The following ACOX3 variants were observed in gnomAD, a reference collection of about 807,000 sequenced individuals.
ACOX3 encodes the protein peroxisomal acyl-coenzyme A oxidase 3.
Under a neutral mutation model 81.5 loss-of-function variants are expected in ACOX3, and 73 were observed. The observed-to-expected ratio is 0.90, with a 90% CI of 0.74 to 1.09. The LOEUF is 1.09. Among genes scored for constraint, ACOX3 ranks in the 50% least tolerant of loss-of-function variants. The pLI is 0.00. For missense variants in ACOX3, 947 were observed against 928.0 expected (o/e 1.02, Z -0.27); for synonymous variants, 387 against 375.1 (o/e 1.03, Z -0.37).
intron 6 of ACOX3, among the ~76,000 whole-genome samples, chr4:8,408,899 G>A (rs1721352540): frequency 9.0e-5 from 5 of 55,548 alleles, no homozygotes; most frequent in Non-Finnish European, 1.6e-4. Context: ...ACTGGGGGGG[G>A]GGGGTGGGGG....
intron 6 of ACOX3, among the ~76,000 whole-genome samples, chr4:8,408,303 C>G (rs1669473045): frequency 1.3e-5 from 2 of 151,770 alleles, no homozygotes; most frequent in Admixed American, 6.6e-5. Context: ...GCAAAAGATG[C>G]CTGCCCCTCC....
At position 8,423,613 on chromosome 4, in the gene ACOX3, C is replaced by A. The variant is rs1273971524; in HGVS notation, c.-14-7078G>T. On this transcript the variant is annotated intron_variant, in intron 1 of 17. Transcript: ENST00000356406. This position sits in a 1 kb window ranked among gnomAD's most constrained non-coding sequence, Gnocchi z 4.2. ...TGGACAGTGGAGGTTAGTGCAAGAT[C>A]TCAGGATTATCAATGAGGCTGTTGT... Among the ~76,000 whole-genome samples, 1 of 152,148 alleles carries A rather than the reference C, an allele frequency of 6.6e-6. No homozygotes were observed. Among genetic ancestry groups the A allele is most frequent in the African/African-American group, 2.4e-5 (1 of 41,432 alleles).
At position 8,381,887 on chromosome 4, in the gene ACOX3, G is replaced by A. The variant is rs17806883; in HGVS notation, c.1538-280C>T. Among the ~76,000 whole-genome samples, 4,616 of 152,350 alleles carry A rather than the reference G, an allele frequency of 0.03. 77 individuals are homozygous for A. Among genetic ancestry groups the A allele is most frequent in the South Asian group, 0.038 (185 of 4,830 alleles). On this transcript the variant is annotated intron_variant, in intron 13 of 17. Coordinates refer to ENST00000356406, the MANE Select transcript of ACOX3 (RefSeq NM_003501.3). The surrounding 1 kb of genome is among the most constrained non-coding windows in gnomAD (Gnocchi z 4.3). ...AGCAGCCTGGAGGCCACAGGAACAC[G>A]GTGCCGCCGCTAGAGTGGGCCCCCG...
Position 8,399,900 on chromosome 4 carries a change from G to C in ACOX3, c.777-248C>G, listed in dbSNP as rs775251549. ...GGATTGCTTGAGCCCAGGAGTTTGA[G>C]ACCAGCCTGGGCAACACAGTGAGAC... On this transcript the variant is annotated intron_variant, in intron 7 of 17. Coordinates refer to ENST00000356406, the MANE Select transcript of ACOX3 (RefSeq NM_003501.3). The surrounding 1 kb of genome is among the most constrained non-coding windows in gnomAD (Gnocchi z 4.9). 6.6e-5 allele frequency among the ~76,000 whole-genome samples: 10 copies of C among 152,168 alleles called. No homozygotes were observed. Among genetic ancestry groups the C allele is most frequent in the Non-Finnish European group, 1.5e-4 (10 of 68,024 alleles).
chr4:8,356,975 G>C, the ACOX3 span: 440 of 446,786 alleles, frequency 9.8e-4, no homozygotes, highest in African/African-American at 8.1e-3. Context: ...TGCATGCTAA[G>C]ATGACCCTGG....
At chr4:8,396,758 T>A (rs915921485) in intron 9 of ACOX3, among the ~76,000 whole-genome samples, 179 bp downstream of exon 9, 17 of 152,132 alleles carry the variant, frequency 1.1e-4, no homozygotes, top group Non-Finnish European at 1.0e-4. Flanking sequence ...CTTTTTAAAT[T>A]AAAAACCATT....
At chr4:8,374,381 C>G (rs1716658289) in intron 15 of ACOX3, 1 of 152,698 alleles carries the variant, frequency 6.5e-6, no homozygotes, top group African/African-American at 2.4e-5. Context: ...GGGGTAAACG[C>G]TGGCTCTTGG....
At chr4:8,420,762 T>A (rs1722850902) in intron 1 of ACOX3, among the ~76,000 whole-genome samples, 1 of 152,206 alleles carries the variant, frequency 6.6e-6, no homozygotes, top group Non-Finnish European at 1.5e-5. Context: ...CTGCTGATCA[T>A]CGCCATCGCA....
At chr4:8,374,758 C>G (rs909596265) in intron 15 of ACOX3, 2 of 470,584 alleles carry the variant, frequency 4.3e-6, no homozygotes, top group Non-Finnish European at 7.2e-6. Context: ...AACCGAACCC[C>G]AAGTGAAAGA....
At position 8,366,907 on chromosome 4, in the gene ACOX3, G is replaced by A. The variant is rs6447866; in HGVS notation, c.*54C>T. 3.3e-4 allele frequency: 536 copies of A among 1,601,872 alleles called. 3 individuals are homozygous for A. The African/African-American group carries it at 6.4e-3, about 19-fold the overall frequency. ...TCTGGAATCAGAAGTTGAGGTCCAC[G>A]TCTGATTAGTTCCCTTCGTTTCATT... On this transcript the variant is annotated 3_prime_UTR_variant, in exon 18 of 18. Coordinates refer to ENST00000356406, the MANE Select transcript of ACOX3 (RefSeq NM_003501.3).
At chr4:8,390,782 C>G (rs1718898777) in intron 11 of ACOX3, among the ~76,000 whole-genome samples, 1 of 152,098 alleles carries the variant, frequency 6.6e-6, no homozygotes. Context: ...TGAAAGGAGT[C>G]CTATTGCAGC....
chr4:8,439,967 C>T (rs577822088), intron 1 of ACOX3, among the ~76,000 whole-genome samples: 17 of 152,266 alleles, frequency 1.1e-4, no homozygotes, highest in Non-Finnish European at 1.5e-5. Context: ...AGCCAGACAA[C>T]CTTGGCACCA....
At position 8,370,754 on chromosome 4, in the gene ACOX3, G is replaced by T. The variant is rs543927988; in HGVS notation, c.1983+154C>A. The stretch of plus-strand genomic sequence containing the variant: ...CATGGGGAAGCACCAGAGTGAGACA[G>T]TCCTGACTTGTCCCGGGCCCTCCCC... On this transcript the variant is annotated intron_variant, in intron 17 of 17. Transcript: ENST00000356406. This position sits in a 1 kb window ranked among gnomAD's most constrained non-coding sequence, Gnocchi z 6.3. Among the ~76,000 whole-genome samples the T allele has an allele frequency of 2.2e-4, 34 of 152,292 alleles. No individual in the cohort carries two copies. Among genetic ancestry groups the T allele is most frequent in the Admixed American group, 1.9e-3 (29 of 15,304 alleles).
In ACOX3 at chr4:8,423,863, G is replaced by T. The variant is rs1009130527; in HGVS notation, c.-14-7328C>A. On this transcript the variant is annotated intron_variant, in intron 1 of 17. Coordinates refer to ENST00000356406, the MANE Select transcript of ACOX3 (RefSeq NM_003501.3). The surrounding 1 kb of genome is among the most constrained non-coding windows in gnomAD (Gnocchi z 4.2). Reference sequence around the variant, plus strand: ...TTCATGGACAGCCCCCATCTATTTGGCCAGGCATTAGCCCGAGACTTGAGC... The same window carrying T: ...TTCATGGACAGCCCCCATCTATTTGTCCAGGCATTAGCCCGAGACTTGAGC... Among the ~76,000 whole-genome samples the T allele has an allele frequency of 6.6e-6, 1 of 152,170 alleles. No individual in the cohort carries two copies. The highest frequency in any genetic ancestry group is 2.4e-5 in the African/African-American group (1 of 41,434).
Position 8,392,398 on chromosome 4 carries a change from G to C in ACOX3, c.1235C>G (p.Ser412Trp), listed in dbSNP as rs759241743. The change falls in exon 11 of 18, where the codon TCG becomes TGG. Residue 412 changes from serine to tryptophan, a missense_variant. Physicochemically the swap from Ser to Trp is radical, Grantham distance 177 (BLOSUM62 -3). Coordinates refer to ENST00000356406, the MANE Select transcript of ACOX3 (RefSeq NM_003501.3). Reference protein sequence around the residue: ...ALASASKPLASWTTQQGIQEC... With the variant: ...ALASASKPLAWWTTQQGIQEC... The stretch of plus-strand genomic sequence containing the variant: ...CTGAATTCCTTGCTGGGTGGTCCAC[G>C]AGGCCAGGGGCTTGCTGGCCGATGC... 4.3e-6 allele frequency: 7 copies of C among 1,609,194 alleles called. No individual in the cohort carries two copies. In the South Asian group the frequency reaches 7.7e-5, roughly 18 times the overall value.
chr4:8,397,011 G>A lies in ACOX3; in HGVS notation c.982C>T (p.Arg328Cys), dbSNP rs756729910. The A allele has an allele frequency of 4.3e-6, 7 of 1,612,060 alleles. No individual in the cohort carries two copies. Among genetic ancestry groups the A allele is most frequent in the African/African-American group, 1.3e-5 (1 of 74,958 alleles). ...NLKLAVAIALRFSATRRQFGP... is the reference protein window; with the variant it reads ...NLKLAVAIALCFSATRRQFGP... The stretch of plus-strand genomic sequence containing the variant: ...AACTGACGCCGAGTGGCTGAGAAGC[G>A]AAGAGCGATGGCCACGGCCAGCTTT... The change falls in exon 9 of 18, where the codon CGC becomes TGC. Residue 328 changes from arginine (R) to cysteine (C), a missense_variant. By Grantham distance (180) the Arg-to-Cys change is radical (BLOSUM62 -3). Transcript: ENST00000356406.
rs1219635040 is a variant in ACOX3, at chr4:8,419,699, G to C, written c.-14-3164C>G. On this transcript the variant is annotated intron_variant, in intron 1 of 17. Transcript: ENST00000356406. The surrounding 1 kb of genome is among the most constrained non-coding windows in gnomAD (Gnocchi z 4.2). Reference sequence around the variant, plus strand: ...CTCCCCGATTCACACCTCCAGACTCGTGAGCTCATTTGGCAGTCAACGGCA... The same window carrying C: ...CTCCCCGATTCACACCTCCAGACTCCTGAGCTCATTTGGCAGTCAACGGCA... Among the ~76,000 whole-genome samples the C allele has an allele frequency of 6.6e-6, 1 of 152,104 alleles. No homozygotes were observed. Among genetic ancestry groups the C allele is most frequent in the Non-Finnish European group, 1.5e-5 (1 of 68,032 alleles).
chr4:8,383,211 GCAGGCAGGGCA>G (rs1260155172), intron 13 of ACOX3, among the ~76,000 whole-genome samples: 4 of 152,196 alleles, frequency 2.6e-5, no homozygotes, highest in Non-Finnish European at 4.4e-5. Flanking sequence ...TGCTGACCCC[GCAGGCAGGGCA>G]CAGGCAGGGT....
chr4:8,409,699 C>T (rs1411240117), intron 6 of ACOX3, among the ~76,000 whole-genome samples: 1 of 124,702 alleles, frequency 8.0e-6, no homozygotes, highest in Non-Finnish European at 1.8e-5. Context: ...TGTCTGTGTG[C>T]TGCGGGTAGG....
Sources: allele counts gnomAD v4.1 joint callset (sites outside exome capture counted in the v4.1 genomes callset), GRCh38; gene constraint gnomAD v4.1.1; non-coding constraint Gnocchi (gnomAD v3.1); transcripts MANE v1.5; gene names NCBI Gene and HGNC (gene_info 2026-07-23, HGNC 2026-07-21).